GRM7: variants seen among roughly 807,000 people sequenced by gnomAD.
The protein encoded by GRM7 is metabotropic glutamate receptor 7.
A neutral mutation model predicts 84.5 loss-of-function variants in GRM7; 35 were observed. The ratio of observed to expected loss-of-function variants is 0.41; its 90% confidence interval spans 0.32 to 0.55. GRM7 has a LOEUF of 0.55. GRM7 is among the 20% of genes least tolerant of loss of function. GRM7 has a pLI of 0.19. For synonymous variants in GRM7, 487 were observed against 455.1 expected, an observed-to-expected ratio of 1.07 and a Z score of -0.89; for missense variants, 1,003 against 1,194.6, an observed-to-expected ratio of 0.84 and a Z score of 2.36.
chr3:7,301,769 T>C (rs1330551632), intron 3 of GRM7, among the ~76,000 whole-genome samples: 1 of 142,422 alleles, frequency 7.0e-6, no homozygotes. Context: ...TATAAAAATT[T>C]ATTCTAAAAC....
chr3:7,281,802 G>A (rs990819566), intron 2 of GRM7, among the ~76,000 whole-genome samples: 1 of 152,140 alleles, frequency 6.6e-6, no homozygotes, highest in African/African-American at 2.4e-5. Flanking sequence ...TAAAAATGGC[G>A]GGGCGCAGTG....
intron 1 of GRM7, among the ~76,000 whole-genome samples, chr3:6,897,493 G>C (rs1696226038): frequency 6.6e-6 from 1 of 152,154 alleles, no homozygotes; most frequent in South Asian, 2.1e-4. Flanking sequence ...CCATTAGAGT[G>C]ACCTTGAGCA....
chr3:7,067,656 C>G (rs2173506), intron 1 of GRM7, among the ~76,000 whole-genome samples: 83,537 of 151,644 alleles, frequency 0.55, 24,433 homozygotes, highest in African/African-American at 0.77. Context: ...ATACTACAAA[C>G]AAGGCTCCAT....
At chr3:7,407,397 A>G (rs556962381) in intron 4 of GRM7, among the ~76,000 whole-genome samples, 4 of 152,354 alleles carry the variant, frequency 2.6e-5, no homozygotes, top group African/African-American at 9.6e-5. Context: ...CATTAAGCTC[A>G]CATGACTGCA....
At chr3:7,694,525 C>CACATCTCCTG (rs1302123928) in intron 9 of GRM7, 1 of 207,000 alleles carries the variant, frequency 4.8e-6, no homozygotes, top group Non-Finnish European at 8.4e-6. Context: ...GAAATATCAA[C>CACATCTCCTG]ACATCTCCTG....
At chr3:7,690,141 G>T (rs190597801) in intron 9 of GRM7, among the ~76,000 whole-genome samples, 2 of 152,302 alleles carry the variant, frequency 1.3e-5, no homozygotes, top group African/African-American at 4.8e-5. Flanking sequence ...GTACTAGAAA[G>T]CAGTTACGTG....
intron 2 of GRM7, among the ~76,000 whole-genome samples, chr3:7,245,434 A>T (rs1161879429): frequency 1.3e-5 from 2 of 152,112 alleles, no homozygotes; most frequent in Admixed American, 1.3e-4. Context: ...ATGAAAAGAG[A>T]TAACGACAAT....
chr3:7,009,507 G>C (rs78060212), intron 1 of GRM7, among the ~76,000 whole-genome samples: 4,722 of 152,242 alleles, frequency 0.031, 264 homozygotes, highest in African/African-American at 0.11. Context: ...ATGATAAGTA[G>C]ATATAAAGTA....
At chr3:7,190,076 A>T (rs1420482017) in intron 2 of GRM7, among the ~76,000 whole-genome samples, 1 of 152,158 alleles carries the variant, frequency 6.6e-6, no homozygotes, top group Non-Finnish European at 1.5e-5. Flanking sequence ...AACAATTATA[A>T]AGTTCTCCTA....
At chr3:6,877,807 TATC>T (rs1695366033) in intron 1 of GRM7, among the ~76,000 whole-genome samples, 1 of 118,948 alleles carries the variant, frequency 8.4e-6, no homozygotes. Flanking sequence ...CCTACACAGA[TATC>T]ACACACACAC....
intron 9 of GRM7, among the ~76,000 whole-genome samples, chr3:7,711,310 G>A (rs1701568685): frequency 6.6e-6 from 1 of 152,148 alleles, no homozygotes; most frequent in South Asian, 2.1e-4. Flanking sequence ...TACCTGGGAA[G>A]GTATTTCAGG....
At chr3:7,453,707 C>T (rs1483325010) in intron 6 of GRM7, among the ~76,000 whole-genome samples, 1 of 152,116 alleles carries the variant, frequency 6.6e-6, no homozygotes, top group East Asian at 1.9e-4. Context: ...GAACCTTGTC[C>T]TCTTGGGCCT....
At chr3:7,735,049 A>C (rs1317699890) in intron 9 of GRM7, among the ~76,000 whole-genome samples, 1 of 68,714 alleles carries the variant, frequency 1.5e-5, no homozygotes, top group Non-Finnish European at 2.6e-5. Flanking sequence ...AAGTAATTAC[A>C]AAAAAAAGTA....
chr3:7,146,649 G>A lies in GRM7; in HGVS notation c.717G>A (p.Thr239=), dbSNP rs1284171876. Residue 239 remains threonine, a synonymous_variant, in exon 2 of 10, where the codon ACG becomes ACA. Coordinates refer to ENST00000357716, the MANE Select transcript of GRM7 (RefSeq NM_000844.4). ...GAGAGAAAGGTGTGGAGTCCTTCAC[G>A]CAGATTTCCAAAGAGGCAGGTAGGA... The part of the protein sequence containing the change: ...SYGEKGVESF[T]QISKEAGGLC... 1 of 1,612,608 alleles carries A rather than the reference G, an allele frequency of 6.2e-7. No homozygotes were observed. The highest frequency in any genetic ancestry group is 8.5e-7 in the Non-Finnish European group (1 of 1,179,522).
chr3:7,687,561 T>C (rs1700632634), intron 9 of GRM7, among the ~76,000 whole-genome samples: 1 of 152,164 alleles, frequency 6.6e-6, no homozygotes, highest in Non-Finnish European at 1.5e-5. Context: ...CCTCCTATTG[T>C]ACTCATATAA....
chr3:7,233,527 C>T (rs1356706013), intron 2 of GRM7, among the ~76,000 whole-genome samples: 2 of 152,034 alleles, frequency 1.3e-5, no homozygotes, highest in African/African-American at 4.8e-5. Flanking sequence ...AGCCTTGAAG[C>T]TTATTTAATC....
At chr3:7,500,482 A>G (rs1699850070) in intron 7 of GRM7, among the ~76,000 whole-genome samples, 1 of 152,232 alleles carries the variant, frequency 6.6e-6, no homozygotes, top group Non-Finnish European at 1.5e-5. Flanking sequence ...CTGCAGGAAA[A>G]GATCTTGAAG....
intron 7 of GRM7, among the ~76,000 whole-genome samples, chr3:7,542,574 A>G (rs1692936882): frequency 1.4e-5 from 2 of 140,994 alleles, no homozygotes; most frequent in Non-Finnish European, 3.0e-5. Flanking sequence ...TTTTTGACAG[A>G]GTCTCACTCT....
chr3:7,358,739 AT>A (rs1693520632), intron 4 of GRM7, among the ~76,000 whole-genome samples: 1 of 124,928 alleles, frequency 8.0e-6, no homozygotes, highest in Non-Finnish European at 1.7e-5. Context: ...AATACATATT[AT>A]TTTTTATAGG....
Sources: allele counts gnomAD v4.1 joint callset (sites outside exome capture counted in the v4.1 genomes callset), GRCh38; gene constraint gnomAD v4.1.1; transcripts MANE v1.5; gene names NCBI Gene and HGNC (gene_info 2026-07-23, HGNC 2026-07-21).